The following PDE10A variants were observed in gnomAD, a reference collection of about 807,000 sequenced individuals.
The protein encoded by PDE10A is phosphodiesterase 10A.
In PDE10A, 39 loss-of-function variants were observed where a neutral mutation model predicts 97.7. That is an observed-to-expected ratio of 0.40 (90% CI 0.31 to 0.52). The LOEUF (loss-of-function observed/expected upper bound fraction) is 0.52, where lower values mean the gene tolerates loss of function less well. Among genes scored for constraint, PDE10A ranks in the 20% least tolerant of loss-of-function variants. The probability of loss-of-function intolerance (pLI) is 0.56; values close to 1 mark genes in which losing one functional copy is unlikely to be tolerated. For synonymous variants in PDE10A, 371 were observed against 376.8 expected, an observed-to-expected ratio of 0.98 and a Z score of 0.18; for missense variants, 731 against 1,047.8, an observed-to-expected ratio of 0.70 and a Z score of 4.17.
intron 1 of PDE10A, among the ~76,000 whole-genome samples, chr6:165,849,749 C>T (rs994498567): frequency 3.9e-5 from 6 of 152,052 alleles, no homozygotes; most frequent in African/African-American, 7.2e-5. Context: ...CTAGCGGTGG[C>T]CAGATGGGGC....
At chr6:165,363,541 AAAAG>A (rs1259040935) in intron 18 of PDE10A, among the ~76,000 whole-genome samples, 2 of 151,932 alleles carry the variant, frequency 1.3e-5, no homozygotes, top group Non-Finnish European at 2.9e-5. Context: ...AACAGAAAAG[AAAAG>A]AAAGAAAGAA....
chr6:165,473,521 TAAC>T (rs1469777429), intron 3 of PDE10A, among the ~76,000 whole-genome samples: 3 of 152,018 alleles, frequency 2.0e-5, no homozygotes, highest in Non-Finnish European at 4.4e-5. Context: ...ATATACAGAA[TAAC>T]AACAAGGGCT....
intron 1 of PDE10A, among the ~76,000 whole-genome samples, chr6:165,848,594 GAA>G (rs1195324538): frequency 6.6e-6 from 1 of 152,176 alleles, no homozygotes; most frequent in Non-Finnish European, 1.5e-5. Context: ...GCCCTGGCAT[GAA>G]AGTTGTTGGG....
chr6:165,338,473 G>A (rs930300203), intron 20 of PDE10A, among the ~76,000 whole-genome samples: 1 of 152,086 alleles, frequency 6.6e-6, no homozygotes, highest in Non-Finnish European at 1.5e-5. Context: ...CAAAACTAGC[G>A]AGGCACAAGA....
intron 1 of PDE10A, among the ~76,000 whole-genome samples, chr6:165,642,631 GAC>G (rs1397555609): frequency 1.3e-5 from 2 of 152,316 alleles, no homozygotes; most frequent in East Asian, 3.9e-4. Flanking sequence ...AGACTTGTAA[GAC>G]AGATCTCAAG....
At chr6:165,610,400 A>C (rs1787433926) in intron 1 of PDE10A, among the ~76,000 whole-genome samples, 1 of 152,052 alleles carries the variant, frequency 6.6e-6, no homozygotes, top group Admixed American at 6.5e-5. Context: ...GCATGGTGGC[A>C]GGCGCCTGTA....
chr6:165,811,371 C>A (rs1779279229), intron 1 of PDE10A, among the ~76,000 whole-genome samples: 1 of 152,242 alleles, frequency 6.6e-6, no homozygotes, highest in Non-Finnish European at 1.5e-5. Context: ...CTCATGCAGG[C>A]CACGCTAGCC....
At chr6:165,645,122 T>G (rs1011987673) in intron 1 of PDE10A, among the ~76,000 whole-genome samples, 1 of 152,114 alleles carries the variant, frequency 6.6e-6, no homozygotes, top group African/African-American at 2.4e-5. Context: ...GGATCCTACT[T>G]CAGGCGCACA....
intron 1 of PDE10A, among the ~76,000 whole-genome samples, chr6:165,588,390 A>G (rs1786051923): frequency 7.0e-6 from 1 of 143,666 alleles, no homozygotes; most frequent in Admixed American, 7.5e-5. Flanking sequence ...TCCTAGGTTC[A>G]AGCAATTCTC....
At chr6:165,679,350 G>C (rs1271028622) in intron 1 of PDE10A, among the ~76,000 whole-genome samples, 1 of 152,230 alleles carries the variant, frequency 6.6e-6, no homozygotes, top group East Asian at 1.9e-4. Flanking sequence ...AAAGCAGTAG[G>C]TTCTCAAAGT....
At chr6:165,692,279 C>T (rs892585113) in intron 1 of PDE10A, among the ~76,000 whole-genome samples, 1 of 152,136 alleles carries the variant, frequency 6.6e-6, no homozygotes, top group Admixed American at 6.5e-5. Flanking sequence ...ATAAAGGAGC[C>T]TGAGGCTGGG....
chr6:165,408,858 A>G (rs1045396386), intron 13 of PDE10A, among the ~76,000 whole-genome samples: 1 of 152,066 alleles, frequency 6.6e-6, no homozygotes, highest in African/African-American at 2.4e-5. Flanking sequence ...TAGTAAGGAG[A>G]AAAATATACT....
chr6:165,969,869 T>C (rs1784618616), intron 1 of PDE10A, among the ~76,000 whole-genome samples: 2 of 152,190 alleles, frequency 1.3e-5, no homozygotes, highest in Admixed American at 1.3e-4. Flanking sequence ...AGCAAGTGAA[T>C]AATTGAAGAA....
intron 1 of PDE10A, among the ~76,000 whole-genome samples, chr6:165,684,894 AAAT>A (rs1442070371): frequency 3.3e-5 from 5 of 152,226 alleles, no homozygotes; most frequent in African/African-American, 1.2e-4. Context: ...TGAACCAATA[AAAT>A]AATTGTGAAA....
intron 1 of PDE10A, among the ~76,000 whole-genome samples, chr6:165,590,176 C>A (rs1444959322): frequency 6.6e-6 from 1 of 152,132 alleles, no homozygotes; most frequent in Non-Finnish European, 1.5e-5. Flanking sequence ...ATCTAGAGGG[C>A]AGGTTATACT....
At chr6:165,852,780 G>T (rs1194136195) in intron 1 of PDE10A, among the ~76,000 whole-genome samples, 1 of 152,188 alleles carries the variant, frequency 6.6e-6, no homozygotes, top group Admixed American at 6.5e-5. Flanking sequence ...TTTTCTCTCT[G>T]TGCACATGAG....
At position 165,508,785 on chromosome 6, in the gene PDE10A, C is replaced by A. The variant is rs771746014; in HGVS notation, c.995-26442G>T. ...GTCATCAACAGTTTTACTGAGGATT[C>A]ATTTACATACCATAAAGTTCACCAA... is the stretch of plus-strand genomic sequence containing the variant. On this transcript the variant is annotated intron_variant, in intron 2 of 21. Coordinates refer to ENST00000539869, the MANE Select transcript of PDE10A (RefSeq NM_001385079.1). Among the ~76,000 whole-genome samples, 19 of 152,050 alleles carry A rather than the reference C, an allele frequency of 1.2e-4. No homozygotes were observed. In the East Asian group the frequency reaches 2.9e-3, roughly 23 times the overall value.
chr6:165,555,864 A>C (rs564194045), intron 1 of PDE10A, among the ~76,000 whole-genome samples: 3 of 152,318 alleles, frequency 2.0e-5, no homozygotes, highest in Admixed American at 1.3e-4. Context: ...AGCCAGAGGA[A>C]TGTGAAGTCA....
intron 1 of PDE10A, among the ~76,000 whole-genome samples, chr6:165,681,772 T>A (rs1252960845): frequency 6.6e-6 from 1 of 152,226 alleles, no homozygotes; most frequent in African/African-American, 2.4e-5. Flanking sequence ...GTACCCTGAA[T>A]GGGTTGGTTT....
Sources: allele counts gnomAD v4.1 joint callset (sites outside exome capture counted in the v4.1 genomes callset), GRCh38; gene constraint gnomAD v4.1.1; transcripts MANE v1.5; gene names NCBI Gene and HGNC (gene_info 2026-07-23, HGNC 2026-07-21).